The following LRP1B variants were observed in gnomAD, a reference collection of about 807,000 sequenced individuals.
LRP1B encodes LDL receptor related protein 1B, also known as low-density lipoprotein receptor-related protein 1B.
In LRP1B, 217 loss-of-function variants were observed where a neutral mutation model predicts 556.6. That is an observed-to-expected ratio of 0.39 (90% confidence interval 0.35 to 0.44). The LOEUF (loss-of-function observed/expected upper bound fraction) is 0.44, where lower values mean the gene tolerates loss of function less well. Among genes scored for constraint, LRP1B ranks in the 20% least tolerant of loss-of-function variants. LRP1B has a pLI of 1.00. For synonymous variants in LRP1B, 2,047 were observed against 1,865.8 expected, an observed-to-expected ratio of 1.10 and a Z score of -2.50; for missense variants, 5,053 against 5,620.8, an observed-to-expected ratio of 0.90 and a Z score of 3.23.
intron 66 of LRP1B, among the ~76,000 whole-genome samples, chr2:140,407,253 G>GA (rs1041595949): frequency 6.6e-6 from 1 of 151,924 alleles, no homozygotes; most frequent in African/African-American, 2.4e-5. Context: ...AGACAACATT[G>GA]AAAAAACTAT....
At chr2:140,752,597 T>A (rs1688620254) in intron 35 of LRP1B, among the ~76,000 whole-genome samples, 2 of 152,232 alleles carry the variant, frequency 1.3e-5, no homozygotes. Context: ...AGTGCTGGGA[T>A]GACAGGCGTG....
At chr2:141,517,582 A>T (rs1347160010) in intron 2 of LRP1B, among the ~76,000 whole-genome samples, 1 of 152,222 alleles carries the variant, frequency 6.6e-6, no homozygotes, top group Non-Finnish European at 1.5e-5. Context: ...AATTTTAATT[A>T]TGTCTGAGTT....
chr2:140,604,728 T>C (rs141104540), intron 41 of LRP1B, among the ~76,000 whole-genome samples: 7 of 152,264 alleles, frequency 4.6e-5, no homozygotes, highest in African/African-American at 1.7e-4. Flanking sequence ...CACCCAAATC[T>C]CATCTTGAAT....
intron 1 of LRP1B, among the ~76,000 whole-genome samples, chr2:142,115,164 G>A (rs1281336581): frequency 6.6e-6 from 1 of 151,774 alleles, no homozygotes; most frequent in Admixed American, 6.6e-5. Flanking sequence ...ACTTAAGAGA[G>A]TGCATTCAGT....
chr2:142,009,130 G>C (rs1414537429), intron 1 of LRP1B, among the ~76,000 whole-genome samples: 1 of 152,172 alleles, frequency 6.6e-6, no homozygotes, highest in African/African-American at 2.4e-5. Flanking sequence ...AATTGCTTTT[G>C]TTTGTTTGGA....
rs145738627 is a variant in LRP1B at position 140,524,372 on chromosome 2, C to T, written c.8026+1472G>A. On this transcript the variant is annotated intron_variant, in intron 49 of 90. Transcript: ENST00000389484. ...AAAGAAACACTTATACACTGTTGAT[C>T]GGAGTGTAAATTAGTTCAGCCCCTG... Among the ~76,000 whole-genome samples the T allele has an allele frequency of 9.4e-3, 1,435 of 151,910 alleles. 19 individuals carry two copies. The highest frequency in any genetic ancestry group is 0.031 in the African/African-American group (1,275 of 41,478).
At chr2:142,084,246 T>A (rs1705827937) in intron 1 of LRP1B, among the ~76,000 whole-genome samples, 1 of 152,182 alleles carries the variant, frequency 6.6e-6, no homozygotes, top group African/African-American at 2.4e-5. Flanking sequence ...CCTCCCAAAG[T>A]GTTGGGCTTA....
At chr2:141,561,735 A>G (rs573023530) in intron 2 of LRP1B, among the ~76,000 whole-genome samples, 3 of 152,038 alleles carry the variant, frequency 2.0e-5, no homozygotes, top group East Asian at 1.9e-4. Context: ...TAATGGTTAC[A>G]TGTTATAGTA....
intron 15 of LRP1B, among the ~76,000 whole-genome samples, chr2:140,997,549 C>G (rs1444534761): frequency 1.3e-5 from 2 of 151,766 alleles, no homozygotes; most frequent in Non-Finnish European, 2.9e-5. Context: ...GTGATCTATT[C>G]TAAATTAATT....
intron 49 of LRP1B, among the ~76,000 whole-genome samples, chr2:140,520,776 G>A (rs1574034238): frequency 1.5e-5 from 1 of 67,678 alleles, no homozygotes; most frequent in South Asian, 4.9e-4. Flanking sequence ...AAAGAAGTTT[G>A]AAATCTAACA....
chr2:140,923,413 AAAG>A (rs1694800886), intron 20 of LRP1B, among the ~76,000 whole-genome samples: 1 of 152,104 alleles, frequency 6.6e-6, no homozygotes, highest in South Asian at 2.1e-4. Context: ...GTACATTAGA[AAAG>A]AAGAAGTAAG....
intron 1 of LRP1B, among the ~76,000 whole-genome samples, chr2:141,987,934 T>C (rs1034010992): frequency 3.0e-4 from 46 of 152,054 alleles, no homozygotes; most frequent in South Asian, 2.1e-4. Flanking sequence ...AGTCAGTTTA[T>C]ATAAGTGGCG....
At chr2:140,455,680 T>G (rs1195757164) in intron 62 of LRP1B, among the ~76,000 whole-genome samples, 1 of 152,190 alleles carries the variant, frequency 6.6e-6, no homozygotes, top group East Asian at 1.9e-4. Context: ...AGCTTCTCCA[T>G]TTTGAAGATA....
intron 3 of LRP1B, among the ~76,000 whole-genome samples, chr2:141,273,613 A>G (rs1011749203): frequency 6.6e-6 from 1 of 152,204 alleles, no homozygotes; most frequent in African/African-American, 2.4e-5. Context: ...AAAGAGTTAC[A>G]ACGAGAAAAC....
chr2:141,984,888 T>A (rs1339177040), intron 1 of LRP1B, among the ~76,000 whole-genome samples: 1 of 152,100 alleles, frequency 6.6e-6, no homozygotes, highest in Non-Finnish European at 1.5e-5. Flanking sequence ...CTTCATCTCA[T>A]ATGGTACAAA....
At chr2:142,016,442 T>A (rs1703132668) in intron 1 of LRP1B, among the ~76,000 whole-genome samples, 1 of 152,092 alleles carries the variant, frequency 6.6e-6, no homozygotes, top group Non-Finnish European at 1.5e-5. Flanking sequence ...TGCCCATCAA[T>A]AATAGACTGC....
At chr2:141,682,136 G>A (rs949366763) in intron 2 of LRP1B, among the ~76,000 whole-genome samples, 2 of 152,080 alleles carry the variant, frequency 1.3e-5, no homozygotes, top group Non-Finnish European at 2.9e-5. Context: ...AGCACTGGAT[G>A]TCCCTTTGAG....
intron 60 of LRP1B, among the ~76,000 whole-genome samples, chr2:140,463,933 C>T (rs534377800): frequency 3.9e-5 from 6 of 152,144 alleles, no homozygotes; most frequent in East Asian, 3.9e-4. Flanking sequence ...TGGTGGCTCA[C>T]GCCTGTAATC....
intron 55 of LRP1B, 112 bp downstream of exon 55, chr2:140,501,575 C>T (rs551853169): frequency 6.2e-6 from 4 of 650,336 alleles, no homozygotes; most frequent in African/African-American, 5.5e-5. Flanking sequence ...CCATTCAATT[C>T]GTTTTAATAT....
Sources: gnomAD v4.1 joint callset for allele counts (sites outside exome capture counted in the v4.1 genomes callset) on GRCh38, gnomAD v4.1.1 for gene constraint, MANE v1.5 for transcripts, NCBI Gene and HGNC (gene_info 2026-07-23, HGNC 2026-07-21) for gene names.